ATP8A2: variants seen among roughly 807,000 people sequenced by gnomAD.
ATP8A2 encodes the protein phospholipid-transporting ATPase IB.
ATP8A2 carries 100 observed loss-of-function variants against 165.6 expected under a neutral mutation model. The ratio of observed to expected loss-of-function variants is 0.60; its 90% CI spans 0.51 to 0.71. The LOEUF is 0.71. ATP8A2 is among the 30% of genes least tolerant of loss of function. The pLI is 0.00. For synonymous variants in ATP8A2, 543 were observed against 548.8 expected, an observed-to-expected ratio of 0.99 and a Z score of 0.15; for missense variants, 1,227 against 1,479.5, an observed-to-expected ratio of 0.83 and a Z score of 2.80.
chr13:25,976,284 T>G (rs569992106), intron 35 of ATP8A2, among the ~76,000 whole-genome samples: 2 of 152,246 alleles, frequency 1.3e-5, no homozygotes, highest in South Asian at 4.2e-4. Context: ...ACTTTATTTT[T>G]TTATCATAAC....
intron 25 of ATP8A2, among the ~76,000 whole-genome samples, chr13:25,727,856 T>A (rs1237845331): frequency 6.6e-6 from 1 of 152,204 alleles, no homozygotes; most frequent in Non-Finnish European, 1.5e-5. Flanking sequence ...CTGCGAAATC[T>A]ACATATGGAA....
chr13:25,942,430 C>G (rs1955095826), intron 33 of ATP8A2, among the ~76,000 whole-genome samples: 1 of 151,510 alleles, frequency 6.6e-6, no homozygotes, highest in Non-Finnish European at 1.5e-5. Context: ...TATCGATTTT[C>G]TTTTTTTTTG....
chr13:25,415,577 G>C (rs1198741963), intron 1 of ATP8A2, among the ~76,000 whole-genome samples: 1 of 152,118 alleles, frequency 6.6e-6, no homozygotes. Context: ...AGCTCAACAG[G>C]GTAAATGCTC....
At chr13:25,891,469 C>A (rs1953358311) in intron 33 of ATP8A2, among the ~76,000 whole-genome samples, 1 of 152,074 alleles carries the variant, frequency 6.6e-6, no homozygotes, top group South Asian at 2.1e-4. Context: ...ATTACAGGCA[C>A]CCACCATCAT....
intron 1 of ATP8A2, among the ~76,000 whole-genome samples, chr13:25,435,301 A>T (rs149605629): frequency 6.6e-6 from 1 of 151,912 alleles, no homozygotes; most frequent in Admixed American, 6.6e-5. Context: ...TTGTATTTTT[A>T]GTAGAGACGG....
At chr13:25,954,083 G>T (rs536166376) in intron 33 of ATP8A2, among the ~76,000 whole-genome samples, 12 of 152,308 alleles carry the variant, frequency 7.9e-5, no homozygotes, top group African/African-American at 2.9e-4. Context: ...CCCCGACGGA[G>T]CCCAACAAGC....
intron 25 of ATP8A2, among the ~76,000 whole-genome samples, chr13:25,704,961 C>T (rs548478358): frequency 6.6e-5 from 10 of 152,082 alleles, no homozygotes; most frequent in East Asian, 1.9e-4. Flanking sequence ...CAGTTTTGCA[C>T]GAAAGTTTTG....
At chr13:25,927,375 C>T (rs1954640776) in intron 33 of ATP8A2, 3 of 350,122 alleles carry the variant, frequency 8.6e-6, no homozygotes, top group South Asian at 4.3e-5. Flanking sequence ...TTGGGGGCCC[C>T]CAAATGATTC....
intron 33 of ATP8A2, among the ~76,000 whole-genome samples, chr13:25,910,374 G>A (rs186727831): frequency 1.3e-5 from 2 of 152,020 alleles, no homozygotes; most frequent in Non-Finnish European, 2.9e-5. Context: ...GCCCTTTCAC[G>A]GCACCTGTAA....
Position 25,446,980 on chromosome 13 carries a change from C to G in ATP8A2, c.77-21997C>G, listed in dbSNP as rs187362676. 7.8e-4 allele frequency among the ~76,000 whole-genome samples: 118 copies of G among 152,252 alleles called. 1 individual carries two copies. Among genetic ancestry groups the G allele is most frequent in the Non-Finnish European group, 4.1e-4 (28 of 68,026 alleles). ...AAGCAATCCTCCCACCTTAGCCTCC[C>G]AAAGTGTTGGGATTACAGGCATGAA... On this transcript the variant is annotated intron_variant, in intron 1 of 36. Transcript: ENST00000381655.
intron 27 of ATP8A2, among the ~76,000 whole-genome samples, chr13:25,799,010 A>G (rs1020878442): frequency 6.6e-6 from 1 of 152,112 alleles, no homozygotes; most frequent in Admixed American, 6.6e-5. Flanking sequence ...AAATTGACAG[A>G]ACAAATTAAC....
chr13:25,433,756 A>G (rs558237961), intron 1 of ATP8A2, among the ~76,000 whole-genome samples: 2 of 152,346 alleles, frequency 1.3e-5, no homozygotes, highest in South Asian at 2.1e-4. Flanking sequence ...TGACTGGAAA[A>G]GGAAATGTGG....
intron 35 of ATP8A2, among the ~76,000 whole-genome samples, chr13:26,001,339 G>A (rs1434896094): frequency 1.3e-5 from 2 of 152,162 alleles, no homozygotes; most frequent in Admixed American, 1.3e-4. Flanking sequence ...CGCAGCTAGG[G>A]ATATTGTACT....
chr13:25,871,588 T>C (rs1952679082), intron 33 of ATP8A2, among the ~76,000 whole-genome samples: 1 of 152,222 alleles, frequency 6.6e-6, no homozygotes, highest in South Asian at 2.1e-4. Context: ...AAGTTTCTGT[T>C]TCATATAAAT....
chr13:25,838,197 A>G (rs9581462), intron 29 of ATP8A2, among the ~76,000 whole-genome samples: 4,713 of 152,314 alleles, frequency 0.031, 256 homozygotes, highest in African/African-American at 0.11. Context: ...AGAAGGACAC[A>G]GGGAGTCACC....
chr13:25,559,179 T>A, intron 14 of ATP8A2, 118 bp downstream of exon 14: 1 of 676,218 alleles, frequency 1.5e-6, no homozygotes, highest in Non-Finnish European at 2.5e-6. Flanking sequence ...ATAAAGTAGT[T>A]ACTATGGAAT....
chr13:25,578,987 G>T, intron 21 of ATP8A2, 88 bp downstream of exon 21: 3 of 894,198 alleles, frequency 3.4e-6, no homozygotes, highest in East Asian at 2.5e-5. Flanking sequence ...CATTCTTCCA[G>T]TGCCTGCCCC....
chr13:25,927,601 T>C (rs1954647597), intron 33 of ATP8A2, among the ~76,000 whole-genome samples: 1 of 152,260 alleles, frequency 6.6e-6, no homozygotes, highest in Non-Finnish European at 1.5e-5. Flanking sequence ...TCATACGGTC[T>C]TATCAAAGCC....
At chr13:25,896,715 T>C (rs1214301465) in intron 33 of ATP8A2, among the ~76,000 whole-genome samples, 1 of 152,222 alleles carries the variant, frequency 6.6e-6, no homozygotes, top group Non-Finnish European at 1.5e-5. Flanking sequence ...ATCTGGGTGC[T>C]CCTGTATTGG....
Sources: allele counts gnomAD v4.1 joint callset (sites outside exome capture counted in the v4.1 genomes callset), GRCh38; gene constraint gnomAD v4.1.1; transcripts MANE v1.5; gene names NCBI Gene and HGNC (gene_info 2026-07-23, HGNC 2026-07-21).